Variants in ARMC7 observed in about 807,000 individuals in gnomAD.
The protein encoded by ARMC7 is armadillo repeat containing 7.
Under a neutral mutation model 14.8 loss-of-function variants are expected in ARMC7, and 9 were observed. The ratio of observed to expected loss-of-function variants is 0.61; its 90% confidence interval spans 0.37 to 1.06. The LOEUF is 1.06. Ranked by LOEUF, ARMC7 falls within the 50% of genes least tolerant of loss-of-function variation. The pLI, the probability that ARMC7 is intolerant of heterozygous loss-of-function variation, is 0.01. For synonymous variants in ARMC7, 125 were observed against 123.4 expected (o/e 1.01, Z -0.09); for missense variants, 262 against 267.1 (o/e 0.98, Z 0.13).
In ARMC7 at chr17:75,123,346, C is replaced by A. The variant is rs369513123; in HGVS notation, c.236-5331C>A. ...GACAGGCATGAGCCACCACACCTGG[C>A]CTTTGAAGACTTTTTTTTTTTTTTT... On this transcript the variant is annotated intron_variant, in intron 2 of 2. Coordinates refer to ENST00000245543, the MANE Select transcript of ARMC7 (RefSeq NM_024585.4). Among the ~76,000 whole-genome samples the A allele has an allele frequency of 4.0e-5, 6 of 150,256 alleles. No individual in the cohort carries two copies. In the East Asian group the frequency reaches 5.9e-4, roughly 15 times the overall value.
intron 2 of ARMC7, chr17:75,114,412 G>A: frequency 2.5e-6 from 1 of 395,748 alleles, no homozygotes; most frequent in Non-Finnish European, 4.5e-6. Flanking sequence ...TGAGCTATGG[G>A]GGCGGCGTGG....
intron 2 of ARMC7, among the ~76,000 whole-genome samples, chr17:75,113,843 A>G (rs1006974738): frequency 3.3e-5 from 5 of 152,178 alleles, no homozygotes; most frequent in Non-Finnish European, 7.3e-5. Context: ...TGGGTTTGGA[A>G]GTGCACACAC....
chr17:75,121,086 A>G (rs1387243936), intron 2 of ARMC7, among the ~76,000 whole-genome samples: 4 of 152,164 alleles, frequency 2.6e-5, no homozygotes, highest in Non-Finnish European at 5.9e-5. Flanking sequence ...CTACTCTCGT[A>G]TCTGATTTCT....
intron 2 of ARMC7, among the ~76,000 whole-genome samples, chr17:75,124,464 A>G (rs2074036619): frequency 6.6e-6 from 1 of 152,206 alleles, no homozygotes; most frequent in African/African-American, 2.4e-5. Flanking sequence ...GCTGCCAGGC[A>G]GTGACTCAGG....
chr17:75,115,025 G>T (rs189531163), intron 2 of ARMC7, among the ~76,000 whole-genome samples: 3 of 152,152 alleles, frequency 2.0e-5, no homozygotes, highest in Non-Finnish European at 4.4e-5. Flanking sequence ...CTGAGATTGT[G>T]ATCTCCCTGA....
chr17:75,114,268 G>T, intron 2 of ARMC7: 1 of 401,140 alleles, frequency 2.5e-6, no homozygotes. Flanking sequence ...TGCTGCCCCT[G>T]GAGAAAAATT....
chr17:75,124,877 G>C (rs1411713106), intron 2 of ARMC7, among the ~76,000 whole-genome samples: 1 of 152,226 alleles, frequency 6.6e-6, no homozygotes, highest in Non-Finnish European at 1.5e-5. Flanking sequence ...TCAGTGAAGT[G>C]TCCACGGTTC....
Position 75,128,735 on chromosome 17 carries a change from A to T in ARMC7, c.294A>T (p.Gly98=), listed in dbSNP as rs1040436516. 1.9e-6 allele frequency: 3 copies of T among 1,613,564 alleles called. No individual in the cohort carries two copies. Among genetic ancestry groups the T allele is most frequent in the Admixed American group, 3.3e-5 (2 of 60,018 alleles). ...ACAAGGAGCACATCCTGCACGCAGG[A>T]GGTGTCCCACTCATCATCAACTGCC... ...RANKEHILHA[G]GVPLIINCLS... Residue 98 remains glycine, a synonymous_variant, in exon 3 of 3, where the codon GGA becomes GGT. Transcript: ENST00000245543.
Position 75,129,149 on chromosome 17 carries a change from T to C in ARMC7, c.*111T>C, listed in dbSNP as rs931496504. ...CCCCATTGGTGCCTTTTCAGCCATC[T>C]GAAAGGCGGGTTCTTTCAGCAGGAC... is the stretch of plus-strand genomic sequence containing the variant. On this transcript the variant is annotated 3_prime_UTR_variant, in exon 3 of 3. Transcript: ENST00000245543. The C allele has an allele frequency of 7.8e-6, 11 of 1,410,806 alleles. No individual in the cohort carries two copies. The highest frequency in any genetic ancestry group is 1.0e-5 in the Non-Finnish European group (11 of 1,064,850). The allele number at this position is 1,410,806 out of a possible 1,614,324, so 87.4% of individuals were successfully genotyped here.
chr17:75,118,445 G>A (rs911697051), intron 2 of ARMC7, among the ~76,000 whole-genome samples: 1 of 152,118 alleles, frequency 6.6e-6, no homozygotes, highest in Non-Finnish European at 1.5e-5. Flanking sequence ...TTGCCAACAG[G>A]GGCCTGGCCT....
chr17:75,119,025 A>C (rs1488017336), intron 2 of ARMC7, among the ~76,000 whole-genome samples: 5 of 152,080 alleles, frequency 3.3e-5, no homozygotes, highest in Non-Finnish European at 5.9e-5. Flanking sequence ...TCTGGCCTCA[A>C]ACTCCTGGGC....
chr17:75,116,329 A>C (rs1193514452), intron 2 of ARMC7, among the ~76,000 whole-genome samples: 1 of 152,188 alleles, frequency 6.6e-6, no homozygotes, highest in African/African-American at 2.4e-5. Flanking sequence ...CCAAAGGTTT[A>C]AAGAGTACCA....
intron 2 of ARMC7, among the ~76,000 whole-genome samples, chr17:75,113,349 T>TTTTATTTA (rs1173194851): frequency 7.7e-5 from 11 of 142,874 alleles, no homozygotes; most frequent in African/African-American, 3.0e-4. Flanking sequence ...TAAAAATACT[T>TTTTATTTA]TTTATTTATT....
intron 2 of ARMC7, among the ~76,000 whole-genome samples, chr17:75,111,393 C>G (rs1288369208): frequency 6.6e-6 from 1 of 151,670 alleles, no homozygotes; most frequent in Non-Finnish European, 1.5e-5. Flanking sequence ...TTGTAGTGAG[C>G]CAAGATGGCA....
At chr17:75,128,584 A>C (rs2074070809) in intron 2 of ARMC7, 93 bp from the exon 3 acceptor site, 3 of 1,499,938 alleles carry the variant, frequency 2.0e-6, no homozygotes, top group Non-Finnish European at 2.7e-6. Context: ...CCAGCTTCTC[A>C]ACAGCCTGGG....
At chr17:75,126,918 C>T (rs895345663) in intron 2 of ARMC7, among the ~76,000 whole-genome samples, 1 of 151,884 alleles carries the variant, frequency 6.6e-6, no homozygotes, top group South Asian at 2.1e-4. Context: ...AAAATTTAGC[C>T]GGGCATGGTG....
chr17:75,118,742 G>C (rs939041472), intron 2 of ARMC7, among the ~76,000 whole-genome samples: 2 of 152,152 alleles, frequency 1.3e-5, no homozygotes, highest in Non-Finnish European at 2.9e-5. Context: ...GCCTCTCCTG[G>C]ATGCCCGCCC....
chr17:75,120,904 T>C (rs942491472), intron 2 of ARMC7, among the ~76,000 whole-genome samples: 7 of 152,016 alleles, frequency 4.6e-5, no homozygotes, highest in African/African-American at 1.5e-4. Flanking sequence ...TTGAAATTCA[T>C]TGAGCTATGT....
At chr17:75,119,143 T>TACACTGGTACACTGGC (rs1425282442) in intron 2 of ARMC7, among the ~76,000 whole-genome samples, 1 of 151,846 alleles carries the variant, frequency 6.6e-6, no homozygotes, top group African/African-American at 2.4e-5. Context: ...CACTGGACTG[T>TACACTGGTACACTGGC]ACACTGGTAC....
Sources: gnomAD v4.1 joint callset for allele counts (sites outside exome capture counted in the v4.1 genomes callset) on GRCh38, gnomAD v4.1.1 for gene constraint, MANE v1.5 for transcripts, NCBI Gene and HGNC (gene_info 2026-07-23, HGNC 2026-07-21) for gene names.